MYO1F: variants seen among roughly 807,000 people sequenced by gnomAD.
MYO1F encodes the protein myosin IF, also known as unconventional myosin-If.
Under a neutral mutation model 146.6 loss-of-function variants are expected in MYO1F, and 60 were observed. The observed-to-expected ratio is 0.41, with a 90% CI of 0.33 to 0.51. The LOEUF (loss-of-function observed/expected upper bound fraction) is 0.51. MYO1F is among the 20% of genes least tolerant of loss of function. MYO1F has a pLI of 0.25. For synonymous variants in MYO1F, 602 were observed against 602.1 expected, an observed-to-expected ratio of 1.00 and a Z score of 0.00; for missense variants, 1,274 against 1,534.3, an observed-to-expected ratio of 0.83 and a Z score of 2.83.
intron 14 of MYO1F, chr19:8,544,031 G>GGTGGCGGTGGCGGTGGCA: frequency 1.9e-6 from 1 of 531,578 alleles, no homozygotes; most frequent in South Asian, 2.1e-5. Flanking sequence ...TGGCGGTGGC[G>GGTGGCGGTGGCGGTGGCA]GTGGCGGTGC....
chr19:8,571,346 C>T (rs753971231), intron 1 of MYO1F, among the ~76,000 whole-genome samples: 3 of 152,176 alleles, frequency 2.0e-5, no homozygotes, highest in Non-Finnish European at 4.4e-5. Context: ...AAACAACATT[C>T]TCACCTCCAA....
intron 21 of MYO1F, among the ~76,000 whole-genome samples, chr19:8,529,053 G>A (rs55872402): frequency 0.052 from 7,932 of 152,196 alleles, 689 homozygotes; most frequent in African/African-American, 0.18. Flanking sequence ...CAGGTGGGTG[G>A]ATCAGGTGAA....
At chr19:8,553,894 ACTCTCTCT>A (rs530875155) in intron 4 of MYO1F, among the ~76,000 whole-genome samples, 7 of 102,606 alleles carry the variant, frequency 6.8e-5, no homozygotes, top group African/African-American at 1.3e-4. Flanking sequence ...ACACACACAC[ACTCTCTCT>A]CTCTCTCTCT....
At chr19:8,538,870 GT>G (rs1360937796) in intron 16 of MYO1F, among the ~76,000 whole-genome samples, 1 of 152,224 alleles carries the variant, frequency 6.6e-6, no homozygotes, top group Non-Finnish European at 1.5e-5. Flanking sequence ...CAGATAGGCA[GT>G]GTTTCCTGGG....
chr19:8,534,107 A>G (rs1454255579), intron 19 of MYO1F, among the ~76,000 whole-genome samples: 1 of 150,732 alleles, frequency 6.6e-6, no homozygotes, highest in Non-Finnish European at 1.5e-5. Flanking sequence ...TGAACCAGGA[A>G]GGTGGAGGTT....
At chr19:8,559,114 A>G (rs1024201290) in intron 1 of MYO1F, among the ~76,000 whole-genome samples, 4 of 151,902 alleles carry the variant, frequency 2.6e-5, no homozygotes, top group Admixed American at 1.3e-4. Context: ...TCCTGAGTTC[A>G]AGCGACCTTC....
intron 14 of MYO1F, among the ~76,000 whole-genome samples, chr19:8,543,690 G>GTGCTGGTGGTGCTGGTGGTGC (rs770023610): frequency 1.0e-4 from 2 of 19,486 alleles, no homozygotes; most frequent in Admixed American, 1.1e-3. Context: ...GGTGGTGGTG[G>GTGCTGGTGGTGCTGGTGGTGC]TGGTGGTGGT....
chr19:8,552,084 G>A lies in MYO1F; in HGVS notation c.585C>T (p.Ser195=). The change falls in exon 7 of 28, where the codon TCC becomes TCT. Residue 195 remains serine, a synonymous_variant. Transcript: ENST00000644032. ...CATTTTCATTTTGCATGACCACGCG[G>A]GACTTCTCCAGCAAGAAGTTGGAGA... ...GKISNFLLEK[S]RVVMQNENER... is the part of the protein sequence containing the mutation. 1 of 1,613,994 alleles carries A rather than the reference G, an allele frequency of 6.2e-7. No individual in the cohort carries two copies. Among genetic ancestry groups the A allele is most frequent in the South Asian group, 1.1e-5 (1 of 91,074 alleles).
At chr19:8,531,001 G>C (rs995555792) in intron 19 of MYO1F, among the ~76,000 whole-genome samples, 2 of 152,044 alleles carry the variant, frequency 1.3e-5, no homozygotes, top group Non-Finnish European at 2.9e-5. Flanking sequence ...CTGAGATCGC[G>C]CCATTGCACT....
intron 19 of MYO1F, among the ~76,000 whole-genome samples, chr19:8,534,323 T>C (rs1972614381): frequency 6.6e-6 from 1 of 152,144 alleles, no homozygotes; most frequent in Non-Finnish European, 1.5e-5. Flanking sequence ...TTTTCTTTTC[T>C]TTTTTTCAGA....
Position 8,529,992 on chromosome 19 carries a change from G to T in MYO1F, c.2328+204C>A, listed in dbSNP as rs747314837. 4.3e-6 allele frequency: 3 copies of T among 698,852 alleles called. No individual in the cohort carries two copies. The South Asian group carries it at 5.0e-5, about 12-fold the overall frequency. 43.3% of individuals were successfully genotyped at this position (698,852 alleles called of 1,614,324 possible). A position where few individuals can be genotyped will look rare whatever the true frequency, so the allele number is the denominator to read the frequency against. ...ACAGGTGTGTCTGTGCCAGGTGAGG[G>T]TATACCTGTGATGGAACAGATGGAT... is the stretch of plus-strand genomic sequence containing the variant. On this transcript the variant is annotated intron_variant, in intron 21 of 27. Coordinates refer to ENST00000644032, the MANE Select transcript of MYO1F (RefSeq NM_012335.4).
chr19:8,543,987 GTGGTGGTGC>G, intron 14 of MYO1F: 1 of 389,952 alleles, frequency 2.6e-6, no homozygotes, highest in Non-Finnish European at 4.7e-6. Flanking sequence ...GCTGGTGCTG[GTGGTGGTGC>G]TGGTGGTGGC....
At chr19:8,525,944 C>T (rs1599910870) in intron 24 of MYO1F, among the ~76,000 whole-genome samples, 1 of 152,200 alleles carries the variant, frequency 6.6e-6, no homozygotes, top group South Asian at 2.1e-4. Context: ...AGCCTGCTGG[C>T]CCCGCCCCAC....
In MYO1F at chr19:8,548,227, G is replaced by C. The variant is rs1973453502; in HGVS notation, c.1182+10C>G. ...AGGACAGGATGTGGGCTGGAGGCAGGGGGCCGTACCTGGAAGATCTCGAAG... is the reference window on the plus strand; with the variant it reads ...AGGACAGGATGTGGGCTGGAGGCAGCGGGCCGTACCTGGAAGATCTCGAAG... On this transcript the variant is annotated intron_variant, in intron 11 of 27. Coordinates refer to ENST00000644032, the MANE Select transcript of MYO1F (RefSeq NM_012335.4). 1 of 1,613,892 alleles carries C rather than the reference G, an allele frequency of 6.2e-7. No individual in the cohort carries two copies. The highest frequency in any genetic ancestry group is 1.3e-5 in the African/African-American group (1 of 74,864).
At chr19:8,553,892 ACACTCTCTCTCTCTCTCT>A (rs1204089952) in intron 4 of MYO1F, among the ~76,000 whole-genome samples, 2 of 105,162 alleles carry the variant, frequency 1.9e-5, no homozygotes, top group African/African-American at 7.1e-5. Flanking sequence ...ACACACACAC[ACACTCTCTCTCTCTCTCT>A]CTCTCTCTCT....
rs527824284 is a variant in MYO1F at position 8,543,891 on chromosome 19, G to C, written c.1524+406C>G. Among the ~76,000 whole-genome samples, 7 of 89,904 alleles carry C rather than the reference G, an allele frequency of 7.8e-5. 1 individual carries two copies. The highest frequency in any genetic ancestry group is 2.0e-4 in the African/African-American group (4 of 19,648). 59.0% of individuals were successfully genotyped at this position (89,904 alleles called of 152,430 possible). Reference sequence around the variant, plus strand: ...GCTGGTGGTGCTGGTGGTGGTGGTGGTGGTGCTGGTGGTGGTGGTGGTGGT... The same window carrying C: ...GCTGGTGGTGCTGGTGGTGGTGGTGCTGGTGCTGGTGGTGGTGGTGGTGGT... On this transcript the variant is annotated intron_variant, in intron 14 of 27. Transcript: ENST00000644032.
chr19:8,530,696 A>C lies in MYO1F; in HGVS notation c.2044-123T>G. The C allele has an allele frequency of 1.3e-6, 1 of 774,176 alleles. No individual in the cohort carries two copies. The highest frequency in any genetic ancestry group is 3.1e-4 in the Middle Eastern group (1 of 3,256). The allele number at this position is 774,176 out of a possible 1,614,324, so 48.0% of individuals were successfully genotyped here. On this transcript the variant is annotated intron_variant, in intron 19 of 27. Coordinates refer to ENST00000644032, the MANE Select transcript of MYO1F (RefSeq NM_012335.4). The surrounding 1 kb of genome is among the most constrained non-coding windows in gnomAD (Gnocchi z 5.8). ...GCTCACCCATCCCCACACATGTGCT[A>C]ATTTTTTTAAGAGGCGGGGTCTTTC... is the stretch of plus-strand genomic sequence containing the variant.
intron 1 of MYO1F, among the ~76,000 whole-genome samples, chr19:8,564,815 C>G (rs910695081): frequency 1.3e-5 from 2 of 151,794 alleles, no homozygotes; most frequent in Non-Finnish European, 2.9e-5. Context: ...CTCTGTCACC[C>G]AGGCTGGAGT....
intron 1 of MYO1F, among the ~76,000 whole-genome samples, chr19:8,560,742 A>T (rs1343488253): frequency 3.0e-5 from 4 of 133,916 alleles, no homozygotes; most frequent in Non-Finnish European, 3.1e-5. Context: ...CGCCTGGCTA[A>T]TTTTTTTTTT....
Sources: allele counts gnomAD v4.1 joint callset (sites outside exome capture counted in the v4.1 genomes callset), GRCh38; gene constraint gnomAD v4.1.1; non-coding constraint Gnocchi (gnomAD v3.1); transcripts MANE v1.5; gene names NCBI Gene and HGNC (gene_info 2026-07-23, HGNC 2026-07-21).